The following SETD2 variants were observed in gnomAD, a reference collection of about 807,000 sequenced individuals.
SETD2 encodes SET domain containing 2, histone lysine methyltransferase, also known as histone-lysine N-methyltransferase SETD2.
A neutral mutation model predicts 242.1 loss-of-function variants in SETD2; 31 were observed. The observed-to-expected ratio is 0.13, with a 90% CI of 0.10 to 0.17. The LOEUF (loss-of-function observed/expected upper bound fraction) is 0.17, where lower values mean the gene tolerates loss of function less well. Among genes scored for constraint, SETD2 ranks in the 10% least tolerant of loss-of-function variants. SETD2 has a pLI of 1.00. For synonymous variants in SETD2, 1,006 were observed against 1,066.5 expected (o/e 0.94, Z 1.11); for missense variants, 2,481 against 3,046.3 (o/e 0.81, Z 4.37).
intron 15 of SETD2, among the ~76,000 whole-genome samples, chr3:47,052,548 G>A (rs958863675): frequency 2.6e-5 from 4 of 152,138 alleles, no homozygotes; most frequent in African/African-American, 9.7e-5. Context: ...CAGGCATGGT[G>A]GTTCAAGCCT....
chr3:47,049,304 A>AATATATATATAT (rs55952850), intron 15 of SETD2, among the ~76,000 whole-genome samples: 16 of 108,562 alleles, frequency 1.5e-4, no homozygotes, highest in South Asian at 6.4e-4. Flanking sequence ...AAGTTTTCTA[A>AATATATATATAT]ATATATATAT....
In SETD2 at chr3:47,105,988, G is replaced by A. The variant is rs2107695806; in HGVS notation, c.4839+9C>T. ...TCTGTTTCAAGGCAAACATATCCAA[G>A]CTGCTTACCTCATCATTCTTCAGGG... is the stretch of plus-strand genomic sequence containing the variant. On this transcript the variant is annotated intron_variant, in intron 6 of 20. Transcript: ENST00000409792. The A allele has an allele frequency of 6.2e-7, 1 of 1,611,346 alleles. No homozygotes were observed. The highest frequency in any genetic ancestry group is 2.2e-5 in the East Asian group (1 of 44,742).
At chr3:47,152,262 C>A (rs2044003007) in intron 1 of SETD2, among the ~76,000 whole-genome samples, 1 of 152,088 alleles carries the variant, frequency 6.6e-6, no homozygotes, top group Non-Finnish European at 1.5e-5. Context: ...ACAGATAATT[C>A]TTAACTACAT....
At chr3:47,079,260 A>G (rs2041230583) in intron 12 of SETD2, among the ~76,000 whole-genome samples, 1 of 152,234 alleles carries the variant, frequency 6.6e-6, no homozygotes. Context: ...CTTAAATTAT[A>G]CTGCCTACAT....
rs778593874 is a variant in SETD2 at position 47,056,827 on chromosome 3, A to G, written c.6957T>C (p.Ile2319=). ...AAGTTTCAGAATTAGTTACCTGTACAATTGGTGGAGTTGTCTGTGAATAAG... is the reference window on the plus strand; with the variant it reads ...AAGTTTCAGAATTAGTTACCTGTACGATTGGTGGAGTTGTCTGTGAATAAG... The part of the protein sequence containing the change: ...TSPYSQTTPP[I]VQSYAQPSLQ... Residue 2319 remains isoleucine (I), a synonymous_variant, in exon 15 of 21, where the codon ATT becomes ATC. Transcript: ENST00000409792. 2.5e-6 allele frequency: 4 copies of G among 1,612,018 alleles called. No individual in the cohort carries two copies. The Admixed American group carries it at 5.0e-5, about 20-fold the overall frequency.
rs1484884216 is a variant in SETD2 at position 47,037,780 on chromosome 3, A to G, written c.7239-3T>C. 3.1e-6 allele frequency: 5 copies of G among 1,610,580 alleles called. No individual in the cohort carries two copies. The Admixed American group carries it at 8.3e-5, about 27-fold the overall frequency. On this transcript the variant is annotated splice_polypyrimidine_tract_variant and splice_region_variant and intron_variant, in intron 17 of 20. Transcript: ENST00000409792. Reference sequence around the variant, plus strand: ...TAGGAGGATCCCACTGAGTCTGCCTAGAAAGAGACAAAAACAGCCATGCTG... The same window carrying G: ...TAGGAGGATCCCACTGAGTCTGCCTGGAAAGAGACAAAAACAGCCATGCTG...
intron 14 of SETD2, among the ~76,000 whole-genome samples, chr3:47,061,801 G>A (rs572607917): frequency 4.5e-4 from 68 of 152,184 alleles, no homozygotes; most frequent in African/African-American, 1.5e-3. Flanking sequence ...AATTAGTATG[G>A]CACAAAACTC....
intron 15 of SETD2, among the ~76,000 whole-genome samples, chr3:47,056,106 A>T (rs1189297809): frequency 3.7e-5 from 3 of 81,276 alleles, no homozygotes; most frequent in African/African-American, 3.6e-5. Flanking sequence ...TTATTTATTT[A>T]TTTATTTATT....
chr3:47,089,932 C>A (rs752588981), intron 9 of SETD2, among the ~76,000 whole-genome samples: 2 of 152,002 alleles, frequency 1.3e-5, no homozygotes, highest in African/African-American at 2.4e-5. Context: ...GGCATGGTGA[C>A]GGACTGAGAA....
rs183432034 is a variant in SETD2 at position 47,061,075 on chromosome 3, G to A, written c.6293+1088C>T. On this transcript the variant is annotated intron_variant, in intron 14 of 20. Coordinates refer to ENST00000409792, the MANE Select transcript of SETD2 (RefSeq NM_014159.7). ...CTACTAAAAATACAACAAATTAGCC[G>A]GGCATGGTGGCGGGCACCTGTAGTT... Among the ~76,000 whole-genome samples, 14 of 152,100 alleles carry A rather than the reference G, an allele frequency of 9.2e-5. 1 individual carries two copies. The highest frequency in any genetic ancestry group is 6.2e-4 in the South Asian group (3 of 4,822).
intron 12 of SETD2, among the ~76,000 whole-genome samples, chr3:47,072,203 G>A (rs537462337): frequency 7.9e-5 from 12 of 152,236 alleles, no homozygotes; most frequent in South Asian, 2.1e-4. Context: ...AGCTACTGGG[G>A]AGGCTGAGGC....
chr3:47,102,392 T>C (rs911840095), intron 7 of SETD2, among the ~76,000 whole-genome samples: 3 of 152,174 alleles, frequency 2.0e-5, no homozygotes, highest in African/African-American at 7.2e-5. Context: ...TATTAGTGTA[T>C]AGTTCAAAGG....
At chr3:47,050,229 T>C (rs1361565057) in intron 15 of SETD2, among the ~76,000 whole-genome samples, 1 of 151,934 alleles carries the variant, frequency 6.6e-6, no homozygotes. Context: ...TATGAATATA[T>C]TAAATTATCA....
chr3:47,027,506 A>G (rs2038547030), intron 18 of SETD2, among the ~76,000 whole-genome samples: 1 of 152,064 alleles, frequency 6.6e-6, no homozygotes, highest in South Asian at 2.1e-4. Flanking sequence ...GCACGTGTAT[A>G]CATATGTAAC....
At chr3:47,111,336 C>T (rs2042644373) in intron 5 of SETD2, among the ~76,000 whole-genome samples, 1 of 151,988 alleles carries the variant, frequency 6.6e-6, no homozygotes, top group Non-Finnish European at 1.5e-5. Flanking sequence ...GGGATATTTG[C>T]TTCAAATAAA....
chr3:47,066,969 A>T, intron 13 of SETD2, 101 bp downstream of exon 13: 1 of 785,898 alleles, frequency 1.3e-6, no homozygotes. Context: ...TATATTCTCT[A>T]GTTTCAAAAA....
chr3:47,045,077 A>T (rs2039460467), intron 16 of SETD2, among the ~76,000 whole-genome samples: 3 of 152,208 alleles, frequency 2.0e-5, no homozygotes, highest in Non-Finnish European at 4.4e-5. Context: ...AAATACTGAT[A>T]GATAGCTGGT....
chr3:47,101,562 T>C lies in SETD2; in HGVS notation c.4918-7A>G, dbSNP rs2042211299. On this transcript the variant is annotated splice_polypyrimidine_tract_variant and splice_region_variant and intron_variant, in intron 7 of 20. Transcript: ENST00000409792. Reference sequence around the variant, plus strand: ...GTTGTCCGTTCACAGTCCACTGAGATGATGTTTGAAAACAAAAGAAATTAG... The same window carrying C: ...GTTGTCCGTTCACAGTCCACTGAGACGATGTTTGAAAACAAAAGAAATTAG... 2.5e-6 allele frequency: 4 copies of C among 1,578,778 alleles called. No individual in the cohort carries two copies. The highest frequency in any genetic ancestry group is 2.2e-5 in the East Asian group (1 of 44,672).
intron 19 of SETD2, among the ~76,000 whole-genome samples, chr3:47,018,825 T>C (rs996780462): frequency 6.6e-6 from 1 of 152,200 alleles, no homozygotes; most frequent in Non-Finnish European, 1.5e-5. Flanking sequence ...CTATAGCCCA[T>C]CAGGCCACTT....
Sources: allele counts gnomAD v4.1 joint callset (sites outside exome capture counted in the v4.1 genomes callset), GRCh38; gene constraint gnomAD v4.1.1; transcripts MANE v1.5; gene names NCBI Gene and HGNC (gene_info 2026-07-23, HGNC 2026-07-21).